GSDME: variants seen among roughly 807,000 people sequenced by gnomAD.
The protein encoded by GSDME is gasdermin E, also known as gasdermin-E.
GSDME carries 44 observed loss-of-function variants against 47.5 expected under a neutral mutation model. That is an observed-to-expected ratio of 0.93 (90% CI 0.73 to 1.19). GSDME has a LOEUF of 1.19. GSDME is among the 50% of genes most tolerant of loss of function. The probability of loss-of-function intolerance (pLI) is 0.00; values close to 1 mark genes in which losing one functional copy is unlikely to be tolerated. For synonymous variants in GSDME, 258 were observed against 252.8 expected (o/e 1.02, Z -0.20); for missense variants, 663 against 604.2 (o/e 1.10, Z -1.02).
the GSDME span, among the ~76,000 whole-genome samples, chr7:24,768,343 G>C: frequency 6.6e-6 from 1 of 152,182 alleles, no homozygotes. This position sits in a 1 kb window ranked among gnomAD's most constrained non-coding sequence, Gnocchi z 5.6. Context: ...ATAGCATTAA[G>C]GGGAGCCAGG....
chr7:24,755,362 G>T (rs1407033781), intron 1 of GSDME, among the ~76,000 whole-genome samples: 1 of 152,138 alleles, frequency 6.6e-6, no homozygotes, highest in African/African-American at 2.4e-5. Context: ...ACCAATCACA[G>T]CTATAGCCTC....
chr7:24,786,470 C>T, the GSDME span, among the ~76,000 whole-genome samples: 1 of 152,240 alleles, frequency 6.6e-6, no homozygotes, highest in Non-Finnish European at 1.5e-5. The surrounding 1 kb of genome is among the most constrained non-coding windows in gnomAD (Gnocchi z 5.5). Context: ...ACTTCCAGTC[C>T]TTAGTGAATG....
chr7:24,700,860 C>T (rs962730669), intron 9 of GSDME, among the ~76,000 whole-genome samples: 6 of 152,226 alleles, frequency 3.9e-5, no homozygotes, highest in African/African-American at 1.4e-4. Flanking sequence ...CCTGTCCTTA[C>T]CACCTGGTGG....
At chr7:24,710,626 A>T in intron 5 of GSDME, 1 of 545,410 alleles carries the variant, frequency 1.8e-6, no homozygotes, top group Non-Finnish European at 3.3e-6. Context: ...TCCCTAATAT[A>T]TATTCTCTGA....
intron 3 of GSDME, among the ~76,000 whole-genome samples, chr7:24,719,785 T>C (rs752093990): frequency 5.3e-5 from 8 of 149,620 alleles, no homozygotes; most frequent in African/African-American, 9.9e-5. Context: ...AGAGCAAGAC[T>C]CCATCTCAAA....
chr7:24,713,558 C>A (rs923535400), intron 5 of GSDME, among the ~76,000 whole-genome samples: 2 of 152,292 alleles, frequency 1.3e-5, no homozygotes, highest in South Asian at 4.2e-4. Flanking sequence ...CGCAGCAGGC[C>A]TGGGGGTGGG....
the GSDME span, among the ~76,000 whole-genome samples, chr7:24,793,784 C>CTTTTTTTTTTTTTTTTT: frequency 1.4e-5 from 2 of 142,286 alleles, no homozygotes; most frequent in African/African-American, 2.6e-5. Context: ...CCCCCCTTTT[C>CTTTTTTTTTTTTTTTTT]TTTTTTTTTT....
At chr7:24,700,730 T>TATTG (rs1294666867) in intron 9 of GSDME, among the ~76,000 whole-genome samples, 1 of 152,190 alleles carries the variant, frequency 6.6e-6, no homozygotes, top group African/African-American at 2.4e-5. Flanking sequence ...GACTGCAAAC[T>TATTG]ATTGATTGTG....
intron 4 of GSDME, among the ~76,000 whole-genome samples, chr7:24,718,185 C>T (rs1223801168): frequency 6.6e-6 from 1 of 152,236 alleles, no homozygotes; most frequent in African/African-American, 2.4e-5. Flanking sequence ...CTACCCAGCC[C>T]CAACCCAGTA....
At chr7:24,727,525 C>T (rs149535412) in intron 3 of GSDME, among the ~76,000 whole-genome samples, 1 of 152,294 alleles carries the variant, frequency 6.6e-6, no homozygotes, top group African/African-American at 2.4e-5. Context: ...TTTAGTAAAT[C>T]CAGAACTTCT....
Position 24,725,921 on chromosome 7 carries a change from G to C in GSDME, c.405-6703C>G, listed in dbSNP as rs989527556. On this transcript the variant is annotated intron_variant, in intron 3 of 9. Coordinates refer to ENST00000645220, the MANE Select transcript of GSDME (RefSeq NM_001127453.2). This position sits in a 1 kb window ranked among gnomAD's most constrained non-coding sequence, Gnocchi z 5.1. ...AAAGCAATTAAGAGCATGGCTCCAT[G>C]GACACAGGACAGGAGTTGGATACAA... is the stretch of plus-strand genomic sequence containing the variant. Among the ~76,000 whole-genome samples, 3 of 152,156 alleles carry C rather than the reference G, an allele frequency of 2.0e-5. No homozygotes were observed. The highest frequency in any genetic ancestry group is 4.4e-5 in the Non-Finnish European group (3 of 68,034).
the GSDME span, among the ~76,000 whole-genome samples, chr7:24,783,441 G>A: frequency 6.6e-6 from 1 of 152,158 alleles, no homozygotes; most frequent in Admixed American, 6.5e-5. Flanking sequence ...ACCCTCGGGG[G>A]TTTGCTCCAG....
the GSDME span, among the ~76,000 whole-genome samples, chr7:24,791,900 G>T: frequency 2.0e-5 from 3 of 152,342 alleles, no homozygotes; most frequent in African/African-American, 7.2e-5. This position sits in a 1 kb window ranked among gnomAD's most constrained non-coding sequence, Gnocchi z 4.8. Context: ...TGAACTTAGT[G>T]TTGGGAGAAG....
rs1361428088 is a variant in GSDME at position 24,714,977 on chromosome 7, C to CAA, written c.697+2275_697+2276dup. On this transcript the variant is annotated intron_variant, in intron 5 of 9. Coordinates refer to ENST00000645220, the MANE Select transcript of GSDME (RefSeq NM_001127453.2). The surrounding 1 kb of genome is among the most constrained non-coding windows in gnomAD (Gnocchi z 5.0). ...AATAATGTAACTGTCTGTTGATGGACAAATAGATAAAGAAAATTGATGTAT... is the reference window on the plus strand; with the variant it reads ...AATAATGTAACTGTCTGTTGATGGACAAAAATAGATAAAGAAAATTGATGTAT... Among the ~76,000 whole-genome samples the CAA allele has an allele frequency of 6.6e-6, 1 of 152,144 alleles. No individual in the cohort carries two copies. Among genetic ancestry groups the CAA allele is most frequent in the African/African-American group, 2.4e-5 (1 of 41,404 alleles).
At chr7:24,775,410 G>A in the GSDME span, among the ~76,000 whole-genome samples, 386 of 152,326 alleles carry the variant, frequency 2.5e-3, 2 homozygotes, top group African/African-American at 9.0e-3. Flanking sequence ...GCTCAGATAT[G>A]TTAACTAATT....
chr7:24,715,380 T>C (rs1789512329), intron 5 of GSDME: 5 of 454,476 alleles, frequency 1.1e-5, no homozygotes, highest in South Asian at 8.3e-5. Flanking sequence ...CCATGCTGGG[T>C]GATGGATGTG....
At chr7:24,789,978 T>C in the GSDME span, among the ~76,000 whole-genome samples, 2 of 152,188 alleles carry the variant, frequency 1.3e-5, no homozygotes, top group Non-Finnish European at 2.9e-5. Context: ...TATAAGAGTT[T>C]TAAATCCTCC....
Position 24,721,102 on chromosome 7 carries a change from C to G in GSDME, c.405-1884G>C, listed in dbSNP as rs539452438. Among the ~76,000 whole-genome samples the G allele has an allele frequency of 0.019, 2,826 of 152,248 alleles. 98 individuals are homozygous for G. The highest frequency in any genetic ancestry group is 0.065 in the African/African-American group (2,703 of 41,524). ...TTACCGGGGCTGCAGGGCTTCGCTGCCTGATGGCTGCAGAGTTCCTAGTTG... is the reference window on the plus strand; with the variant it reads ...TTACCGGGGCTGCAGGGCTTCGCTGGCTGATGGCTGCAGAGTTCCTAGTTG... On this transcript the variant is annotated intron_variant, in intron 3 of 9. Transcript: ENST00000645220. The surrounding 1 kb of genome is among the most constrained non-coding windows in gnomAD (Gnocchi z 4.1).
chr7:24,787,869 G>A, the GSDME span, among the ~76,000 whole-genome samples: 1 of 151,818 alleles, frequency 6.6e-6, no homozygotes, highest in South Asian at 2.1e-4. This position sits in a 1 kb window ranked among gnomAD's most constrained non-coding sequence, Gnocchi z 5.0. Context: ...ACCACACCCA[G>A]CTAATTTTTG....
Sources: gnomAD v4.1 joint callset for allele counts (sites outside exome capture counted in the v4.1 genomes callset) on GRCh38, gnomAD v4.1.1 for gene constraint, Gnocchi (gnomAD v3.1) non-coding constraint, MANE v1.5 for transcripts, NCBI Gene and HGNC (gene_info 2026-07-23, HGNC 2026-07-21) for gene names.